The following SMCHD1 variants were observed in gnomAD, a reference collection of about 807,000 sequenced individuals.
SMCHD1 encodes structural maintenance of chromosomes flexible hinge domain-containing protein 1.
A neutral mutation model predicts 254.7 loss-of-function variants in SMCHD1; 78 were observed. The ratio of observed to expected loss-of-function variants is 0.31; its 90% CI spans 0.26 to 0.37. The LOEUF (loss-of-function observed/expected upper bound fraction) is 0.37. Among genes scored for constraint, SMCHD1 ranks in the 10% least tolerant of loss-of-function variants. SMCHD1 has a pLI of 1.00. For missense variants in SMCHD1, 1,840 were observed against 2,408.1 expected (o/e 0.76, Z 4.94); for synonymous variants, 766 against 794.9 (o/e 0.96, Z 0.61).
intron 45 of SMCHD1, among the ~76,000 whole-genome samples, chr18:2,790,410 T>G (rs2076301505): frequency 6.6e-6 from 1 of 152,172 alleles, no homozygotes; most frequent in African/African-American, 2.4e-5. Context: ...TTGTTGTTAA[T>G]CTACTATGCC....
intron 25 of SMCHD1, among the ~76,000 whole-genome samples, chr18:2,736,423 C>G (rs2075250028): frequency 6.6e-6 from 1 of 152,120 alleles, no homozygotes; most frequent in Admixed American, 6.5e-5. Context: ...CCTAATCAAA[C>G]TAAACAGCTG....
At chr18:2,711,322 C>T (rs1050109742) in intron 17 of SMCHD1, among the ~76,000 whole-genome samples, 1 of 150,618 alleles carries the variant, frequency 6.6e-6, no homozygotes, top group Non-Finnish European at 1.5e-5. Flanking sequence ...TAGTCTCAAA[C>T]TCATGGCCTC....
intron 5 of SMCHD1, among the ~76,000 whole-genome samples, chr18:2,676,959 T>G (rs985547359): frequency 2.6e-5 from 4 of 152,142 alleles, no homozygotes; most frequent in African/African-American, 9.7e-5. Context: ...CATAAGATTT[T>G]CATAAGTTTT....
rs754065562 is a variant in SMCHD1, at chr18:2,738,456, G to A, written c.3336G>A (p.Val1112=). ...TGCTACAGGGTCTGCTTCCTGATGT[G>A]CAAGTACCAACATCTGTAAAAGATA... ...EHLLQGLLPD[V]QVPTSVKDMR... is the part of the protein sequence containing the mutation. The change falls in exon 26 of 48, where the codon GTG becomes GTA. Residue 1112 remains valine, a synonymous_variant. Coordinates refer to ENST00000320876, the MANE Select transcript of SMCHD1 (RefSeq NM_015295.3). 2.5e-6 allele frequency: 4 copies of A among 1,611,938 alleles called. No individual in the cohort carries two copies. The South Asian group carries it at 4.4e-5, about 18-fold the overall frequency.
At chr18:2,760,822 C>A in intron 35 of SMCHD1, 83 bp downstream of exon 35, 1 of 671,306 alleles carries the variant, frequency 1.5e-6, no homozygotes, top group Non-Finnish European at 2.6e-6. Context: ...CATGAAATAG[C>A]TTCACATTTT....
intron 16 of SMCHD1, 65 bp downstream of exon 16, chr18:2,707,710 G>A (rs1055856339): frequency 3.3e-5 from 48 of 1,475,912 alleles, no homozygotes; most frequent in Non-Finnish European, 4.1e-5. Flanking sequence ...TTTCCAATAT[G>A]TAAAAGGTCA....
chr18:2,788,402 T>G (rs887943138), intron 45 of SMCHD1, among the ~76,000 whole-genome samples: 2 of 152,216 alleles, frequency 1.3e-5, no homozygotes, highest in Non-Finnish European at 2.9e-5. Flanking sequence ...GTTAGATAGC[T>G]TTCTCATGTT....
chr18:2,722,178 G>T (rs930685048), intron 19 of SMCHD1, among the ~76,000 whole-genome samples: 1 of 152,078 alleles, frequency 6.6e-6, no homozygotes, highest in Non-Finnish European at 1.5e-5. Flanking sequence ...AGGTATAATG[G>T]CTGGGCATGG....
intron 29 of SMCHD1, among the ~76,000 whole-genome samples, chr18:2,744,688 G>A (rs1429551471): frequency 4.6e-5 from 7 of 152,254 alleles, no homozygotes; most frequent in African/African-American, 1.7e-4. Context: ...ACTATTAACT[G>A]TAGTCATCAT....
chr18:2,766,254 A>G (rs143777148), intron 37 of SMCHD1, among the ~76,000 whole-genome samples: 29,363 of 152,066 alleles, frequency 0.19, 3,099 homozygotes, highest in South Asian at 0.27. Flanking sequence ...CGGCCTCCCA[A>G]AGTGCTGGGA....
intron 13 of SMCHD1, 97 bp downstream of exon 13, chr18:2,703,983 A>G: frequency 3.8e-6 from 4 of 1,042,832 alleles, no homozygotes; most frequent in Non-Finnish European, 5.2e-6. Context: ...CTATTTTTAA[A>G]AATTTCTTTT....
chr18:2,730,755 T>G (rs1346626545), intron 24 of SMCHD1, among the ~76,000 whole-genome samples: 2 of 152,242 alleles, frequency 1.3e-5, no homozygotes, highest in Non-Finnish European at 2.9e-5. Context: ...TAACATAGCT[T>G]GAACCTCAAA....
chr18:2,694,762 A>G, intron 8 of SMCHD1, 69 bp downstream of exon 8: 1 of 1,333,326 alleles, frequency 7.5e-7, no homozygotes, highest in Non-Finnish European at 1.1e-6. Context: ...CATTACAGAT[A>G]TATTGAAGCC....
intron 5 of SMCHD1, among the ~76,000 whole-genome samples, chr18:2,682,016 T>G (rs117188847): frequency 0.018 from 2,800 of 152,350 alleles, 44 homozygotes; most frequent in Middle Eastern, 0.099. Flanking sequence ...TTCTAATATT[T>G]GTGTTTACTT....
chr18:2,728,789 C>T, intron 23 of SMCHD1, 193 bp downstream of exon 23: 1 of 495,984 alleles, frequency 2.0e-6, no homozygotes, highest in Non-Finnish European at 3.4e-6. Flanking sequence ...GCCAACTGTG[C>T]CCAGTTTCAT....
intron 12 of SMCHD1, among the ~76,000 whole-genome samples, chr18:2,702,026 A>G (rs2074411816): frequency 6.6e-6 from 1 of 152,128 alleles, no homozygotes; most frequent in Admixed American, 6.5e-5. Context: ...TTTATAATAC[A>G]CTTAGAATTC....
Position 2,656,188 on chromosome 18 carries a change from C to G in SMCHD1, c.113C>G (p.Ser38Cys). The change falls in exon 1 of 48, where the codon TCC becomes TGC. Residue 38 changes from serine to cysteine, a missense_variant. Physicochemically the swap from Ser to Cys is moderately radical, Grantham distance 112. Coordinates refer to ENST00000320876, the MANE Select transcript of SMCHD1 (RefSeq NM_015295.3). ...TTGTTTGATCGGCGCGAAAAGGAGTCCGAGCTCGGGGACCGGCCTCTGCAG... is the reference window on the plus strand; with the variant it reads ...TTGTTTGATCGGCGCGAAAAGGAGTGCGAGCTCGGGGACCGGCCTCTGCAG... Reference protein sequence around the residue: ...VYLFDRREKESELGDRPLQVG... With the variant: ...VYLFDRREKECELGDRPLQVG... The G allele has an allele frequency of 6.6e-7, 1 of 1,506,368 alleles. No homozygotes were observed. Among genetic ancestry groups the G allele is most frequent in the Non-Finnish European group, 8.8e-7 (1 of 1,132,510 alleles). 93.3% of individuals were successfully genotyped at this position (1,506,368 alleles called of 1,614,324 possible).
intron 13 of SMCHD1, 136 bp downstream of exon 13, chr18:2,704,022 A>T: frequency 1.6e-6 from 1 of 613,172 alleles, no homozygotes; most frequent in South Asian, 3.4e-5. Context: ...CATGAAGAAC[A>T]TTTATTCAGA....
At chr18:2,661,544 G>GTGGGTTTTTAATATGGATTAAACATC (rs755479750) in intron 1 of SMCHD1, among the ~76,000 whole-genome samples, 1 of 148,888 alleles carries the variant, frequency 6.7e-6, no homozygotes, top group Non-Finnish European at 1.5e-5. Context: ...TTAAACATCT[G>GTGGGTTTTTAATATGGATTAAACATC]TGGGTTTTTA....
Sources: allele counts gnomAD v4.1 joint callset (sites outside exome capture counted in the v4.1 genomes callset), GRCh38; gene constraint gnomAD v4.1.1; transcripts MANE v1.5; gene names NCBI Gene and HGNC (gene_info 2026-07-23, HGNC 2026-07-21).